Variants in PRKCA observed in about 807,000 individuals in gnomAD.
The protein encoded by PRKCA is protein kinase C alpha type.
A neutral mutation model predicts 87.0 loss-of-function variants in PRKCA; 27 were observed. That is an observed-to-expected ratio of 0.31 (90% CI 0.23 to 0.43). The LOEUF is 0.43. Ranked by LOEUF, PRKCA falls within the 20% of genes least tolerant of loss-of-function variation. PRKCA has a pLI of 1.00. For synonymous variants in PRKCA, 329 were observed against 311.1 expected, an observed-to-expected ratio of 1.06 and a Z score of -0.61; for missense variants, 518 against 852.3, an observed-to-expected ratio of 0.61 and a Z score of 4.88.
chr17:66,613,351 C>T (rs1240836048), intron 3 of PRKCA, among the ~76,000 whole-genome samples: 1 of 152,174 alleles, frequency 6.6e-6, no homozygotes, highest in African/African-American at 2.4e-5. Context: ...TTTAGATGCA[C>T]AGAAGTGGAT....
intron 3 of PRKCA, among the ~76,000 whole-genome samples, chr17:66,560,605 TCTGATCACA>T (rs1364286723): frequency 6.6e-6 from 1 of 152,186 alleles, no homozygotes; most frequent in Non-Finnish European, 1.5e-5. Flanking sequence ...GTGGCCTCCA[TCTGATCACA>T]CTGAATTGTT....
At chr17:66,637,200 A>G (rs1469965862) in intron 3 of PRKCA, among the ~76,000 whole-genome samples, 1 of 152,140 alleles carries the variant, frequency 6.6e-6, no homozygotes, top group East Asian at 1.9e-4. Flanking sequence ...ATGGAGATCT[A>G]TGTGACAACC....
At chr17:66,735,687 A>T (rs1313459459) in intron 10 of PRKCA, 25 bp downstream of exon 10, 1 of 1,607,266 alleles carries the variant, frequency 6.2e-7, no homozygotes, top group African/African-American at 1.3e-5. Flanking sequence ...AATCCCTGCG[A>T]TGCAGTACCC....
At position 66,406,585 on chromosome 17, in the gene PRKCA, G is replaced by GTTTTTTTTTTTTTTTTTTTTTTTTTTTT. The variant is rs71160568; in HGVS notation, c.206-89592_206-89591insTTTTTTTTTTTTTTTTTTTTTTTTTTTT. ...TCATGTAGCATTGTAGCTTTTCCAGGTTTTTTTTTTTTTTTTTTTTTTTTA... is the reference window on the plus strand; with the variant it reads ...TCATGTAGCATTGTAGCTTTTCCAGGTTTTTTTTTTTTTTTTTTTTTTTTTTTTTTTTTTTTTTTTTTTTTTTTTTTTA... On this transcript the variant is annotated intron_variant, in intron 2 of 16. Transcript: ENST00000413366. Among the ~76,000 whole-genome samples the GTTTTTTTTTTTTTTTTTTTTTTTTTTTT allele has an allele frequency of 1.1e-4, 8 of 70,184 alleles. 2 individuals carry two copies. The highest frequency in any genetic ancestry group is 5.0e-4 in the East Asian group (1 of 2,014). The allele number at this position is 70,184 out of a possible 152,430, so 46.0% of individuals were successfully genotyped here. A position where few individuals can be genotyped will look rare whatever the true frequency, so the allele number is the denominator to read the frequency against.
At chr17:66,574,699 G>A (rs141162369) in intron 3 of PRKCA, among the ~76,000 whole-genome samples, 143 of 149,244 alleles carry the variant, frequency 9.6e-4, no homozygotes, top group African/African-American at 3.4e-3. Flanking sequence ...TAACCAGTTA[G>A]CATGAAACAG....
At position 66,535,768 on chromosome 17, in the gene PRKCA, C is replaced by T. The variant is rs558191247; in HGVS notation, c.288+39485C>T. Among the ~76,000 whole-genome samples, 226 of 152,308 alleles carry T rather than the reference C, an allele frequency of 1.5e-3. 1 individual carries two copies. The highest frequency in any genetic ancestry group is 5.2e-3 in the African/African-American group (217 of 41,570). On this transcript the variant is annotated intron_variant, in intron 3 of 16. Coordinates refer to ENST00000413366, the MANE Select transcript of PRKCA (RefSeq NM_002737.3). ...TTTAAACAATTATAGGATATCAGTG[C>T]ACTGTGAGACCACAAACTCTTCTAG...
At chr17:66,671,310 A>G (rs1972177778) in intron 5 of PRKCA, among the ~76,000 whole-genome samples, 1 of 151,678 alleles carries the variant, frequency 6.6e-6, no homozygotes, top group Non-Finnish European at 1.5e-5. Context: ...GGCAGCCAAG[A>G]AGTGGGGGGG....
Position 66,808,035 on chromosome 17 carries a change from C to G in PRKCA, c.*3998C>G, listed in dbSNP as rs1273523558. ...TCTGTTCCTCCTCAGAAAACACCCC[C>G]CAAATGCTAACAACATCCCCACCAG... On this transcript the variant is annotated 3_prime_UTR_variant, in exon 17 of 17. Coordinates refer to ENST00000413366, the MANE Select transcript of PRKCA (RefSeq NM_002737.3). 6.6e-6 allele frequency: 1 copy of G among 152,310 alleles called. No individual in the cohort carries two copies. Among genetic ancestry groups the G allele is most frequent in the South Asian group, 2.1e-4 (1 of 4,826 alleles). The allele number at this position is 152,310 out of a possible 1,614,324, so 9.4% of individuals were successfully genotyped here. A position where few individuals can be genotyped will look rare whatever the true frequency, so the allele number is the denominator to read the frequency against.
rs1016571903 is a variant in PRKCA at position 66,738,653 on chromosome 17, C to G, written c.1231-111C>G. The G allele has an allele frequency of 1.6e-5, 13 of 817,872 alleles. No individual in the cohort carries two copies. In the African/African-American group the frequency reaches 2.3e-4, roughly 14 times the overall value. 50.7% of individuals were successfully genotyped at this position (817,872 alleles called of 1,614,324 possible). A position where few individuals can be genotyped will look rare whatever the true frequency, so the allele number is the denominator to read the frequency against. Reference sequence around the variant, plus strand: ...AGAGCTCTAAACTGAGCACATCTGCCCATGCAGTCCCCATTTAACTAATGA... The same window carrying G: ...AGAGCTCTAAACTGAGCACATCTGCGCATGCAGTCCCCATTTAACTAATGA... On this transcript the variant is annotated intron_variant, in intron 10 of 16. Transcript: ENST00000413366.
At chr17:66,369,006 C>G (rs550190691) in intron 2 of PRKCA, among the ~76,000 whole-genome samples, 2 of 152,190 alleles carry the variant, frequency 1.3e-5, no homozygotes, top group Non-Finnish European at 2.9e-5. Context: ...TCTCAAGCAT[C>G]TCATTCTAGA....
At chr17:66,386,710 A>C (rs8069022) in intron 2 of PRKCA, among the ~76,000 whole-genome samples, 33,145 of 152,094 alleles carry the variant, frequency 0.22, 3,771 homozygotes, top group Admixed American at 0.31. Context: ...GTACAATTCA[A>C]ATTTTGGTGG....
chr17:66,465,620 C>G (rs910130091), intron 2 of PRKCA, among the ~76,000 whole-genome samples: 1 of 151,524 alleles, frequency 6.6e-6, no homozygotes, highest in East Asian at 1.9e-4. Flanking sequence ...GCTGGTCTCA[C>G]ACTCCTGAGC....
chr17:66,715,850 T>C lies in PRKCA; in HGVS notation c.919-16838T>C, dbSNP rs893694567. On this transcript the variant is annotated intron_variant, in intron 8 of 16. Transcript: ENST00000413366. Reference sequence around the variant, plus strand: ...TAGTGAATCTTAGGTGGATCTCTGCTAAAAGATCCCAGCCAAACTGCAGTT... The same window carrying C: ...TAGTGAATCTTAGGTGGATCTCTGCCAAAAGATCCCAGCCAAACTGCAGTT... Among the ~76,000 whole-genome samples, 3 of 152,162 alleles carry C rather than the reference T, an allele frequency of 2.0e-5. No homozygotes were observed. The East Asian group carries it at 5.8e-4, about 29-fold the overall frequency.
At chr17:66,691,604 C>G (rs1972786730) in intron 8 of PRKCA, among the ~76,000 whole-genome samples, 1 of 152,068 alleles carries the variant, frequency 6.6e-6, no homozygotes, top group Non-Finnish European at 1.5e-5. Flanking sequence ...TGATGTCACA[C>G]CACCTCTGTG....
At chr17:66,690,395 G>T (rs1264410556) in intron 8 of PRKCA, among the ~76,000 whole-genome samples, 3 of 152,156 alleles carry the variant, frequency 2.0e-5, no homozygotes. Context: ...GGCAGCTACG[G>T]CTACCCTGCC....
chr17:66,356,711 G>A (rs1256736948), intron 2 of PRKCA, among the ~76,000 whole-genome samples: 2 of 152,162 alleles, frequency 1.3e-5, no homozygotes, highest in Admixed American at 6.5e-5. Flanking sequence ...AGCCAGAAAT[G>A]TTTGCTGTGG....
chr17:66,715,497 C>G lies in PRKCA; in HGVS notation c.919-17191C>G, dbSNP rs1973451044. Among the ~76,000 whole-genome samples the G allele has an allele frequency of 2.6e-5, 4 of 152,310 alleles. No homozygotes were observed. In the South Asian group the frequency reaches 8.3e-4, roughly 32 times the overall value. On this transcript the variant is annotated intron_variant, in intron 8 of 16. Transcript: ENST00000413366. ...TCACTGCCTCCCTTCCCCCCAGGCCCTTTCTTGGATCTGTGGCTTGCAGAG... is the reference window on the plus strand; with the variant it reads ...TCACTGCCTCCCTTCCCCCCAGGCCGTTTCTTGGATCTGTGGCTTGCAGAG...
At chr17:66,575,757 G>C (rs1234056222) in intron 3 of PRKCA, among the ~76,000 whole-genome samples, 1 of 152,170 alleles carries the variant, frequency 6.6e-6, no homozygotes, top group Non-Finnish European at 1.5e-5. Flanking sequence ...TGAGGGCAGT[G>C]TCTGGATAGA....
At chr17:66,332,524 G>T (rs1175725474) in intron 2 of PRKCA, among the ~76,000 whole-genome samples, 1 of 151,910 alleles carries the variant, frequency 6.6e-6, no homozygotes, top group South Asian at 2.1e-4. Context: ...CATTGCACCT[G>T]ACTGAAAGTA....
Sources: gnomAD v4.1 joint callset for allele counts (sites outside exome capture counted in the v4.1 genomes callset) on GRCh38, gnomAD v4.1.1 for gene constraint, MANE v1.5 for transcripts, NCBI Gene and HGNC (gene_info 2026-07-23, HGNC 2026-07-21) for gene names.